TP53BP2: variants seen among roughly 807,000 people sequenced by gnomAD.
The protein encoded by TP53BP2 is apoptosis-stimulating of p53 protein 2.
A neutral mutation model predicts 126.2 loss-of-function variants in TP53BP2; 62 were observed. That is an observed-to-expected ratio of 0.49 (90% CI 0.40 to 0.61). The LOEUF is 0.61. Ranked by LOEUF, TP53BP2 falls within the 20% of genes least tolerant of loss-of-function variation. The pLI is 0.00. For missense variants in TP53BP2, 1,215 were observed against 1,402.8 expected, an observed-to-expected ratio of 0.87 and a Z score of 2.14; for synonymous variants, 485 against 502.9, an observed-to-expected ratio of 0.96 and a Z score of 0.48.
Position 223,802,799 on chromosome 1 carries a change from G to A in TP53BP2, c.928C>T (p.Arg310Cys), listed in dbSNP as rs1305755801. Reference sequence around the variant, plus strand: ...AGCCGGTCCCTCAGCTCATTAACACGCTTATCCATGACTGCCACTTCTGAA... The same window carrying A: ...AGCCGGTCCCTCAGCTCATTAACACACTTATCCATGACTGCCACTTCTGAA... ...RNSEVAVMDK[R>C]VNELRDRLWK... Residue 310 changes from arginine (R) to cysteine (C), a missense_variant, in exon 8 of 18, where the codon CGT becomes TGT. Physicochemically the swap from Arg to Cys is radical, Grantham distance 180. This residue lies in a region of TP53BP2 where 814 missense variants were observed against 853.0 expected (regional missense o/e 0.95). Transcript: ENST00000343537. The A allele has an allele frequency of 8.7e-6, 14 of 1,613,910 alleles. No individual in the cohort carries two copies. Among genetic ancestry groups the A allele is most frequent in the Admixed American group, 1.7e-5 (1 of 59,984 alleles).
chr1:223,803,047 A>G, intron 7 of TP53BP2, 152 bp from the exon 8 acceptor site: 1 of 933,130 alleles, frequency 1.1e-6, no homozygotes, highest in Non-Finnish European at 1.6e-6. Flanking sequence ...AAATTAAGTG[A>G]CACCTGTGCA....
chr1:223,795,036 C>G (rs1174270153), intron 13 of TP53BP2, among the ~76,000 whole-genome samples: 2 of 152,164 alleles, frequency 1.3e-5, no homozygotes, highest in African/African-American at 4.8e-5. Context: ...TCAAATTAAA[C>G]TATGAAAAAG....
At chr1:223,808,190 A>G (rs547458456) in intron 4 of TP53BP2, among the ~76,000 whole-genome samples, 2 of 152,364 alleles carry the variant, frequency 1.3e-5, no homozygotes, top group East Asian at 3.8e-4. Flanking sequence ...AATCTTTCCA[A>G]TAAATACTGC....
intron 8 of TP53BP2, 40 bp from the exon 9 acceptor site, chr1:223,802,384 T>A: frequency 1.3e-6 from 2 of 1,557,814 alleles, no homozygotes; most frequent in Non-Finnish European, 8.7e-7. Context: ...TTAAAAATCA[T>A]CTCAGGTGAT....
intron 13 of TP53BP2, among the ~76,000 whole-genome samples, chr1:223,793,660 G>A (rs966893316): frequency 6.6e-6 from 1 of 152,206 alleles, no homozygotes; most frequent in Non-Finnish European, 1.5e-5. Flanking sequence ...ATGGAGCAAA[G>A]TTGGAGGAAC....
At chr1:223,812,245 G>A (rs142175312) in intron 3 of TP53BP2, among the ~76,000 whole-genome samples, 1 of 152,300 alleles carries the variant, frequency 6.6e-6, no homozygotes, top group African/African-American at 2.4e-5. Flanking sequence ...CTAAGTATCA[G>A]CATTTCTCAT....
chr1:223,793,962 A>G (rs1373199472), intron 13 of TP53BP2, among the ~76,000 whole-genome samples: 1 of 152,236 alleles, frequency 6.6e-6, no homozygotes, highest in Non-Finnish European at 1.5e-5. Context: ...CAAGGCACAC[A>G]GCCGGCAAAT....
chr1:223,784,815 CAG>C (rs1186922517), intron 16 of TP53BP2, among the ~76,000 whole-genome samples: 1 of 152,064 alleles, frequency 6.6e-6, no homozygotes, highest in Non-Finnish European at 1.5e-5. Flanking sequence ...TGGGGAAAGA[CAG>C]AGGAAAAAAT....
At position 223,845,817 on chromosome 1, in the gene TP53BP2, T is replaced by C. The variant is rs1382289034; in HGVS notation, c.-137A>G. The C allele has an allele frequency of 5.7e-6, 4 of 702,866 alleles. No homozygotes were observed. The highest frequency in any genetic ancestry group is 4.2e-5 in the East Asian group (1 of 23,538). 43.5% of individuals were successfully genotyped at this position (702,866 alleles called of 1,614,324 possible). On this transcript the variant is annotated 5_prime_UTR_variant, in exon 1 of 18. Coordinates refer to ENST00000343537, the MANE Select transcript of TP53BP2 (RefSeq NM_001031685.3). ...GGCGGCGGCAGCGGCGGCGCGCGGGTCCGAAGGGCCCTCCGCGCGGGCTGG... is the reference window on the plus strand; with the variant it reads ...GGCGGCGGCAGCGGCGGCGCGCGGGCCCGAAGGGCCCTCCGCGCGGGCTGG...
chr1:223,806,820 T>C (rs527965142), intron 5 of TP53BP2, 26 bp downstream of exon 5: 4 of 1,592,238 alleles, frequency 2.5e-6, no homozygotes, highest in South Asian at 2.2e-5. Context: ...TGAGCATTCA[T>C]CTCCAAAAAA....
At chr1:223,837,661 C>T (rs1184666287) in intron 1 of TP53BP2, among the ~76,000 whole-genome samples, 1 of 152,094 alleles carries the variant, frequency 6.6e-6, no homozygotes, top group Non-Finnish European at 1.5e-5. Flanking sequence ...TTTTTGGCAG[C>T]TTTCTGTAGA....
At chr1:223,827,385 G>A (rs184656588) in intron 1 of TP53BP2, among the ~76,000 whole-genome samples, 90 of 152,302 alleles carry the variant, frequency 5.9e-4, no homozygotes, top group African/African-American at 2.0e-3. Flanking sequence ...TGTGAGGGAG[G>A]AAGATGCAAA....
Position 223,793,399 on chromosome 1 carries a change from G to A in TP53BP2, c.2766C>T (p.Ile922=), listed in dbSNP as rs143528074. 90 of 1,605,664 alleles carry A rather than the reference G, an allele frequency of 5.6e-5. No homozygotes were observed. Among genetic ancestry groups the A allele is most frequent in the Non-Finnish European group, 4.5e-5 (53 of 1,176,966 alleles). ...TNLRKTGSER[I]AHGMRVKFNP... ...TGAATTTCACCCTCATTCCATGAGCGATACGCTCTGAGCCAGTTTTACGCA... is the reference window on the plus strand; with the variant it reads ...TGAATTTCACCCTCATTCCATGAGCAATACGCTCTGAGCCAGTTTTACGCA... Residue 922 remains isoleucine, a synonymous_variant, in exon 14 of 18, where the codon ATC becomes ATT. Transcript: ENST00000343537.
intron 17 of TP53BP2, among the ~76,000 whole-genome samples, chr1:223,783,528 C>T (rs1258033072): frequency 6.6e-6 from 1 of 152,178 alleles, no homozygotes; most frequent in Non-Finnish European, 1.5e-5. Context: ...TATAAGAGAA[C>T]AGCTGAATCT....
chr1:223,831,466 TAAAA>T (rs1157082703), intron 1 of TP53BP2, among the ~76,000 whole-genome samples: 1,975 of 43,356 alleles, frequency 0.046, 40 homozygotes, highest in South Asian at 0.068. Flanking sequence ...ATGTACCATC[TAAAA>T]AAAAAAAAAA....
At chr1:223,831,266 T>C (rs951595102) in intron 1 of TP53BP2, among the ~76,000 whole-genome samples, 5 of 148,610 alleles carry the variant, frequency 3.4e-5, no homozygotes, top group Admixed American at 6.7e-5. Context: ...TGGTAGCATG[T>C]ACCTGTAGTC....
intron 1 of TP53BP2, among the ~76,000 whole-genome samples, chr1:223,831,975 C>T (rs1663749017): frequency 6.6e-6 from 1 of 151,450 alleles, no homozygotes; most frequent in South Asian, 2.1e-4. Context: ...GTTATGCTAT[C>T]AACATAAGAA....
chr1:223,782,173 A>T (rs1449131831), intron 17 of TP53BP2, among the ~76,000 whole-genome samples: 1 of 151,372 alleles, frequency 6.6e-6, no homozygotes, highest in Non-Finnish European at 1.5e-5. Flanking sequence ...GAGATGATGC[A>T]TGTATTATTT....
At chr1:223,799,519 T>C (rs1338260803) in intron 11 of TP53BP2, among the ~76,000 whole-genome samples, 2 of 152,204 alleles carry the variant, frequency 1.3e-5, no homozygotes, top group Admixed American at 6.5e-5. Flanking sequence ...ACACCTAACT[T>C]GGAGCACTCA....
Sources: gnomAD v4.1 joint callset for allele counts (sites outside exome capture counted in the v4.1 genomes callset) on GRCh38, gnomAD v4.1.1 for gene constraint, gnomAD v4.1.1 regional missense constraint, MANE v1.5 for transcripts, NCBI Gene and HGNC (gene_info 2026-07-23, HGNC 2026-07-21) for gene names.